Variants in RBMS3 observed in about 807,000 individuals in gnomAD.
RBMS3 encodes RNA binding motif single stranded interacting protein 3, also known as RNA-binding motif, single-stranded-interacting protein 3.
A neutral mutation model predicts 66.8 loss-of-function variants in RBMS3; 27 were observed. The observed-to-expected ratio is 0.40, with a 90% CI of 0.30 to 0.56. The LOEUF (loss-of-function observed/expected upper bound fraction) is 0.56, where lower values mean the gene tolerates loss of function less well. Ranked by LOEUF, RBMS3 falls within the 20% of genes least tolerant of loss-of-function variation. The probability of loss-of-function intolerance (pLI) is 0.40; values close to 1 mark genes in which losing one functional copy is unlikely to be tolerated. For missense variants in RBMS3, 513 were observed against 549.5 expected, an observed-to-expected ratio of 0.93 and a Z score of 0.66; for synonymous variants, 188 against 183.0, an observed-to-expected ratio of 1.03 and a Z score of -0.22.
intron 12 of RBMS3, among the ~76,000 whole-genome samples, chr3:29,987,212 GT>G (rs567125992): frequency 1.9e-4 from 29 of 152,258 alleles, no homozygotes; most frequent in South Asian, 4.1e-4. Context: ...GATGATTCCA[GT>G]TTTGATGTTT....
chr3:29,349,295 A>G (rs1011898855), intron 1 of RBMS3, among the ~76,000 whole-genome samples: 14 of 152,164 alleles, frequency 9.2e-5, no homozygotes, highest in Admixed American at 9.2e-4. Flanking sequence ...TACTCTCTCT[A>G]TTCCTCTGTA....
intron 4 of RBMS3, among the ~76,000 whole-genome samples, chr3:29,688,297 A>T (rs2051823474): frequency 6.6e-6 from 1 of 152,072 alleles, no homozygotes; most frequent in Non-Finnish European, 1.5e-5. Context: ...TTGCCTTTGC[A>T]GTGATCCAAA....
At chr3:29,510,597 A>T (rs1051633130) in intron 3 of RBMS3, among the ~76,000 whole-genome samples, 7 of 152,108 alleles carry the variant, frequency 4.6e-5, no homozygotes, top group African/African-American at 1.4e-4. Context: ...GAATATTTGC[A>T]TTCTAATTGA....
chr3:29,548,125 T>A (rs1375989934), intron 3 of RBMS3, among the ~76,000 whole-genome samples: 3 of 151,960 alleles, frequency 2.0e-5, no homozygotes, highest in Non-Finnish European at 2.9e-5. Flanking sequence ...AGGAAAGAAA[T>A]CCATCCATAA....
chr3:29,773,609 C>A (rs76279563), intron 6 of RBMS3, among the ~76,000 whole-genome samples: 8 of 152,134 alleles, frequency 5.3e-5, no homozygotes, highest in Non-Finnish European at 1.0e-4. Context: ...GTTATTAGAG[C>A]AAATGTTAGT....
intron 1 of RBMS3, among the ~76,000 whole-genome samples, chr3:29,430,494 G>A (rs1174956392): frequency 6.6e-6 from 1 of 152,162 alleles, no homozygotes; most frequent in Non-Finnish European, 1.5e-5. Flanking sequence ...AACTTCGGTT[G>A]GCTTTTGACT....
At chr3:29,583,923 A>G (rs986866401) in intron 3 of RBMS3, among the ~76,000 whole-genome samples, 1 of 152,108 alleles carries the variant, frequency 6.6e-6, no homozygotes, top group Non-Finnish European at 1.5e-5. Context: ...ACAGACAACC[A>G]TAGCATCTCC....
chr3:29,453,467 T>G (rs923025609), intron 2 of RBMS3, among the ~76,000 whole-genome samples: 13 of 152,220 alleles, frequency 8.5e-5, no homozygotes, highest in Non-Finnish European at 1.3e-4. Flanking sequence ...AGCTGGTTAT[T>G]GCAGCGAATC....
chr3:29,789,938 G>A (rs1268412895), intron 6 of RBMS3, among the ~76,000 whole-genome samples: 9 of 152,148 alleles, frequency 5.9e-5, no homozygotes, highest in Admixed American at 1.3e-4. Context: ...TACCCCAGAA[G>A]TGTGGCTTTA....
intron 6 of RBMS3, among the ~76,000 whole-genome samples, chr3:29,804,056 A>G (rs1576853859): frequency 6.6e-6 from 1 of 152,094 alleles, no homozygotes; most frequent in Admixed American, 6.6e-5. Context: ...ATTTATACCA[A>G]GTTAAGTCAT....
At chr3:29,769,470 G>A (rs1019676207) in intron 6 of RBMS3, among the ~76,000 whole-genome samples, 1 of 151,924 alleles carries the variant, frequency 6.6e-6, no homozygotes, top group African/African-American at 2.4e-5. Flanking sequence ...CTTTAGTCGA[G>A]CAGCTGGAGG....
At chr3:29,785,566 T>G (rs1419468493) in intron 6 of RBMS3, among the ~76,000 whole-genome samples, 3 of 151,750 alleles carry the variant, frequency 2.0e-5, no homozygotes, top group Non-Finnish European at 4.4e-5. Flanking sequence ...TAACATAGTA[T>G]CATATAAACA....
intron 1 of RBMS3, among the ~76,000 whole-genome samples, chr3:29,299,321 G>A (rs2033510595): frequency 6.6e-6 from 1 of 152,042 alleles, no homozygotes; most frequent in South Asian, 2.1e-4. Context: ...AAAGAGCACA[G>A]CAATGACAGA....
chr3:29,524,903 T>A (rs1373444861), intron 3 of RBMS3, among the ~76,000 whole-genome samples: 1 of 152,030 alleles, frequency 6.6e-6, no homozygotes, highest in Non-Finnish European at 1.5e-5. Flanking sequence ...AAATTTTTTT[T>A]AATTAGCTGG....
At chr3:29,980,908 A>G (rs980175722) in intron 12 of RBMS3, among the ~76,000 whole-genome samples, 4 of 152,204 alleles carry the variant, frequency 2.6e-5, no homozygotes, top group Admixed American at 6.5e-5. Context: ...TGTCTTGGCT[A>G]TGCAGGCTCT....
chr3:29,789,993 C>T (rs555175975), intron 6 of RBMS3, among the ~76,000 whole-genome samples: 2 of 152,310 alleles, frequency 1.3e-5, no homozygotes. Context: ...TTCTATCTCT[C>T]ACAACTCAAA....
At chr3:29,441,444 A>C (rs2041616414) in intron 2 of RBMS3, among the ~76,000 whole-genome samples, 1 of 152,326 alleles carries the variant, frequency 6.6e-6, no homozygotes, top group South Asian at 2.1e-4. Context: ...AAATTATTTA[A>C]TGTTCAAAAC....
Position 29,696,939 on chromosome 3 carries a change from G to T in RBMS3, c.400-42781G>T, listed in dbSNP as rs545232163. On this transcript the variant is annotated intron_variant, in intron 4 of 14. Transcript: ENST00000383767. ...TAAAATGTCTCCCCTGGTCGTTTGGGTTTTTTTTAATTTTTAATTTTTGTA... is the reference window on the plus strand; with the variant it reads ...TAAAATGTCTCCCCTGGTCGTTTGGTTTTTTTTTAATTTTTAATTTTTGTA... 184 of 981,912 alleles carry T rather than the reference G, an allele frequency of 1.9e-4. 1 individual carries two copies. Among genetic ancestry groups the T allele is most frequent in the African/African-American group, 1.8e-3 (101 of 57,154 alleles). 60.8% of individuals were successfully genotyped at this position (981,912 alleles called of 1,614,324 possible).
At chr3:29,351,018 G>A (rs1162726029) in intron 1 of RBMS3, among the ~76,000 whole-genome samples, 1 of 151,624 alleles carries the variant, frequency 6.6e-6, no homozygotes, top group Non-Finnish European at 1.5e-5. Context: ...ATATATATTT[G>A]CACATATATA....
Sources: gnomAD v4.1 joint callset for allele counts (sites outside exome capture counted in the v4.1 genomes callset) on GRCh38, gnomAD v4.1.1 for gene constraint, MANE v1.5 for transcripts, NCBI Gene and HGNC (gene_info 2026-07-23, HGNC 2026-07-21) for gene names.